KCNQ1OT1: variants seen among roughly 807,000 people sequenced by gnomAD.
The protein encoded by KCNQ1OT1 is KCNQ1 opposite strand/antisense transcript 1.
Position 2,670,003 on chromosome 11 carries a change from G to A in KCNQ1OT1, n.29992C>T. On this transcript the variant is annotated non_coding_transcript_exon_variant, in exon 1 of 1. Transcript: ENST00000597346. This position sits in a 1 kb window ranked among gnomAD's most constrained non-coding sequence, Gnocchi z 4.9. ...ACCTCAAATCTCGGAATGGGGTTCAGGAGCTGTTGGGGTCCCGTGGAGGTA... is the reference window on the plus strand; with the variant it reads ...ACCTCAAATCTCGGAATGGGGTTCAAGAGCTGTTGGGGTCCCGTGGAGGTA... 1 of 398,736 alleles carries A rather than the reference G, an allele frequency of 2.5e-6. No individual in the cohort carries two copies. The allele number at this position is 398,736 out of a possible 1,614,324, so 24.7% of individuals were successfully genotyped here.
At chr11:2,648,523 A>G (rs531530600) in exon 1 of KCNQ1OT1, 6 of 398,468 alleles carry the variant, frequency 1.5e-5, no homozygotes, top group African/African-American at 1.0e-4. Flanking sequence ...CAATTTCTTC[A>G]TAGACACAGT....
Position 2,664,310 on chromosome 11 carries a change from C to A in KCNQ1OT1, n.35685G>T. The A allele has an allele frequency of 2.5e-6, 1 of 399,044 alleles. No homozygotes were observed. Among genetic ancestry groups the A allele is most frequent in the South Asian group, 1.3e-4 (1 of 7,832 alleles). 24.7% of individuals were successfully genotyped at this position (399,044 alleles called of 1,614,324 possible). A position where few individuals can be genotyped will look rare whatever the true frequency, so the allele number is the denominator to read the frequency against. On this transcript the variant is annotated non_coding_transcript_exon_variant, in exon 1 of 1. Coordinates refer to ENST00000597346, the Ensembl canonical transcript of KCNQ1OT1. This position sits in a 1 kb window ranked among gnomAD's most constrained non-coding sequence, Gnocchi z 5.1. ...CCACCTTGAGGCATTGTGTTCTGGT[C>A]AGGGAAGACTCAGGGCTGAGGCTTC...
At chr11:2,641,658 A>G (rs1292741635) in exon 1 of KCNQ1OT1, 2 of 397,942 alleles carry the variant, frequency 5.0e-6, no homozygotes, top group Admixed American at 4.4e-5. Flanking sequence ...CCATTTGTCT[A>G]TTTTTGTTTT....
chr11:2,626,801 T>C lies in KCNQ1OT1; in HGVS notation n.73194A>G. ...CCTCAGCCTTCAAAAGTGCTGAGATTACAGGTGTAGGCCATTGTACCTGGC... is the reference window on the plus strand; with the variant it reads ...CCTCAGCCTTCAAAAGTGCTGAGATCACAGGTGTAGGCCATTGTACCTGGC... On this transcript the variant is annotated non_coding_transcript_exon_variant, in exon 1 of 1. Coordinates refer to ENST00000597346, the Ensembl canonical transcript of KCNQ1OT1. This position sits in a 1 kb window ranked among gnomAD's most constrained non-coding sequence, Gnocchi z 4.0. 2.5e-6 allele frequency: 1 copy of C among 398,652 alleles called. No individual in the cohort carries two copies. Among genetic ancestry groups the C allele is most frequent in the East Asian group, 3.6e-5 (1 of 28,084 alleles). 24.7% of individuals were successfully genotyped at this position (398,652 alleles called of 1,614,324 possible). A position where few individuals can be genotyped will look rare whatever the true frequency, so the allele number is the denominator to read the frequency against.
chr11:2,669,833 T>C lies in KCNQ1OT1; in HGVS notation n.30162A>G. 1 of 398,648 alleles carries C rather than the reference T, an allele frequency of 2.5e-6. No homozygotes were observed. The highest frequency in any genetic ancestry group is 4.4e-6 in the Non-Finnish European group (1 of 226,094). The allele number at this position is 398,648 out of a possible 1,614,324, so 24.7% of individuals were successfully genotyped here. A position where few individuals can be genotyped will look rare whatever the true frequency, so the allele number is the denominator to read the frequency against. On this transcript the variant is annotated non_coding_transcript_exon_variant, in exon 1 of 1. Transcript: ENST00000597346. The surrounding 1 kb of genome is among the most constrained non-coding windows in gnomAD (Gnocchi z 5.6). ...CTTTTGAGACTGCCAGGTCATGAGTTACCATGGGATACAAATGGGGTCACA... is the reference window on the plus strand; with the variant it reads ...CTTTTGAGACTGCCAGGTCATGAGTCACCATGGGATACAAATGGGGTCACA...
chr11:2,667,206 GC>G lies in KCNQ1OT1; in HGVS notation n.32788del, dbSNP rs1214375461. 1.4e-4 allele frequency: 54 copies of G among 398,706 alleles called. No individual in the cohort carries two copies. Among genetic ancestry groups the G allele is most frequent in the South Asian group, 6.4e-4 (5 of 7,858 alleles). 24.7% of individuals were successfully genotyped at this position (398,706 alleles called of 1,614,324 possible). The stretch of plus-strand genomic sequence containing the variant: ...AGCCCAGCTGTGGCGGCCCCCCGTG[GC>G]CCCCTAACCTTTCCAAACTTCACTT... On this transcript the variant is annotated non_coding_transcript_exon_variant, in exon 1 of 1. Coordinates refer to ENST00000597346, the Ensembl canonical transcript of KCNQ1OT1.
At chr11:2,629,453 A>G in exon 1 of KCNQ1OT1, 1 of 398,442 alleles carries the variant, frequency 2.5e-6, no homozygotes, top group Non-Finnish European at 4.4e-6. Flanking sequence ...TAAGAGTTTT[A>G]TAGTTTTAGG....
exon 1 of KCNQ1OT1, chr11:2,644,465 T>A (rs1849635817): frequency 2.5e-6 from 1 of 398,346 alleles, no homozygotes; most frequent in South Asian, 1.3e-4. Context: ...AATTTCTCAT[T>A]CATACCCCGA....
In KCNQ1OT1 at chr11:2,617,031, A is replaced by T. The variant is rs12282307; in HGVS notation, n.82964T>A. 4,908 of 398,206 alleles carry T rather than the reference A, an allele frequency of 0.012. 126 individuals are homozygous for T. Among genetic ancestry groups the T allele is most frequent in the African/African-American group, 0.055 (2,701 of 48,684 alleles). 24.7% of individuals were successfully genotyped at this position (398,206 alleles called of 1,614,324 possible). A position where few individuals can be genotyped will look rare whatever the true frequency, so the allele number is the denominator to read the frequency against. On this transcript the variant is annotated non_coding_transcript_exon_variant, in exon 1 of 1. Transcript: ENST00000597346. The surrounding 1 kb of genome is among the most constrained non-coding windows in gnomAD (Gnocchi z 4.6). ...AAACATACAGTTAAATCGTTAACAT[A>T]GTGATGCAAATTAATATGTCCATCA...
At chr11:2,665,174 C>T (rs1235349035) in exon 1 of KCNQ1OT1, 1 of 398,646 alleles carries the variant, frequency 2.5e-6, no homozygotes, top group African/African-American at 2.1e-5. Flanking sequence ...TCTGGGCGGC[C>T]AGGACTCAGC....
chr11:2,626,106 C>A lies in KCNQ1OT1; in HGVS notation n.73889G>T, dbSNP rs977494119. 12 of 398,298 alleles carry A rather than the reference C, an allele frequency of 3.0e-5. No homozygotes were observed. In the South Asian group the frequency reaches 6.4e-4, roughly 21 times the overall value. 24.7% of individuals were successfully genotyped at this position (398,298 alleles called of 1,614,324 possible). A position where few individuals can be genotyped will look rare whatever the true frequency, so the allele number is the denominator to read the frequency against. ...AATTTATCTATTTTTACTTTTATTG[C>A]CTGTGCCTTTGGTGTCGCATACAAG... On this transcript the variant is annotated non_coding_transcript_exon_variant, in exon 1 of 1. Transcript: ENST00000597346. The surrounding 1 kb of genome is among the most constrained non-coding windows in gnomAD (Gnocchi z 4.0).
At chr11:2,634,760 C>T (rs1028405846) in exon 1 of KCNQ1OT1, 2 of 152,224 alleles carry the variant, frequency 1.3e-5, no homozygotes, top group Non-Finnish European at 2.9e-5. Context: ...ACCACACTGT[C>T]TTCTACAATG....
chr11:2,699,884 G>A (rs557431156), exon 1 of KCNQ1OT1: 3 of 398,482 alleles, frequency 7.5e-6, no homozygotes, highest in East Asian at 7.1e-5. Context: ...GAGCCCCGGG[G>A]AGGACCACGC....
chr11:2,621,326 T>G lies in KCNQ1OT1; in HGVS notation n.78669A>C. On this transcript the variant is annotated non_coding_transcript_exon_variant, in exon 1 of 1. Coordinates refer to ENST00000597346, the Ensembl canonical transcript of KCNQ1OT1. This position sits in a 1 kb window ranked among gnomAD's most constrained non-coding sequence, Gnocchi z 5.7. ...TAGTGATCATGAGAATGTTTTTTTGTTTGGCTACTTCTGTATTTTCTTTTA... is the reference window on the plus strand; with the variant it reads ...TAGTGATCATGAGAATGTTTTTTTGGTTGGCTACTTCTGTATTTTCTTTTA... The G allele has an allele frequency of 5.0e-6, 2 of 398,590 alleles. No individual in the cohort carries two copies. Among genetic ancestry groups the G allele is most frequent in the Non-Finnish European group, 8.8e-6 (2 of 226,032 alleles). The allele number at this position is 398,590 out of a possible 1,614,324, so 24.7% of individuals were successfully genotyped here. A position where few individuals can be genotyped will look rare whatever the true frequency, so the allele number is the denominator to read the frequency against.
rs922822012 is a variant in KCNQ1OT1 at position 2,673,186 on chromosome 11, A to G, written n.26809T>C. The G allele has an allele frequency of 2.5e-6, 1 of 398,610 alleles. No homozygotes were observed. The highest frequency in any genetic ancestry group is 2.1e-5 in the African/African-American group (1 of 48,642). 24.7% of individuals were successfully genotyped at this position (398,610 alleles called of 1,614,324 possible). ...AGGATCAGAATGGGCCCTGGAGCCA[A>G]GGCCAAAAGCCGAACTGTGACTAGG... On this transcript the variant is annotated non_coding_transcript_exon_variant, in exon 1 of 1. Coordinates refer to ENST00000597346, the Ensembl canonical transcript of KCNQ1OT1. This position sits in a 1 kb window ranked among gnomAD's most constrained non-coding sequence, Gnocchi z 4.5.
At position 2,654,827 on chromosome 11, in the gene KCNQ1OT1, C is replaced by CCTA. The variant is rs1392742968; in HGVS notation, n.45167_45168insTAG. On this transcript the variant is annotated non_coding_transcript_exon_variant, in exon 1 of 1. Coordinates refer to ENST00000597346, the Ensembl canonical transcript of KCNQ1OT1. The surrounding 1 kb of genome is among the most constrained non-coding windows in gnomAD (Gnocchi z 6.4). ...CTCAAAGACTTTCATGATAGGAGAG[C>CCTA]TCTATGTAGCCTCATGGGCAGCTCC... 2.5e-6 allele frequency: 1 copy of CCTA among 398,444 alleles called. No homozygotes were observed. The highest frequency in any genetic ancestry group is 2.1e-5 in the African/African-American group (1 of 48,572). The allele number at this position is 398,444 out of a possible 1,614,324, so 24.7% of individuals were successfully genotyped here.
chr11:2,691,730 C>G lies in KCNQ1OT1; in HGVS notation n.8265G>C, dbSNP rs1050919606. The G allele has an allele frequency of 1.0e-5, 4 of 398,570 alleles. No individual in the cohort carries two copies. Among genetic ancestry groups the G allele is most frequent in the Non-Finnish European group, 1.8e-5 (4 of 226,102 alleles). The allele number at this position is 398,570 out of a possible 1,614,324, so 24.7% of individuals were successfully genotyped here. A position where few individuals can be genotyped will look rare whatever the true frequency, so the allele number is the denominator to read the frequency against. ...AGGGGAGAGGCAGCCCACAGGGAGC[C>G]ACACAGGCAGGGGACATTCCACTAG... On this transcript the variant is annotated non_coding_transcript_exon_variant, in exon 1 of 1. Coordinates refer to ENST00000597346, the Ensembl canonical transcript of KCNQ1OT1. This position sits in a 1 kb window ranked among gnomAD's most constrained non-coding sequence, Gnocchi z 6.4.
Position 2,620,553 on chromosome 11 carries a change from G to C in KCNQ1OT1, n.79442C>G, listed in dbSNP as rs1849153261. The C allele has an allele frequency of 7.6e-6, 3 of 396,220 alleles. No individual in the cohort carries two copies. Among genetic ancestry groups the C allele is most frequent in the South Asian group, 1.4e-4 (1 of 7,002 alleles). 24.5% of individuals were successfully genotyped at this position (396,220 alleles called of 1,614,324 possible). A position where few individuals can be genotyped will look rare whatever the true frequency, so the allele number is the denominator to read the frequency against. On this transcript the variant is annotated non_coding_transcript_exon_variant, in exon 1 of 1. Transcript: ENST00000597346. The surrounding 1 kb of genome is among the most constrained non-coding windows in gnomAD (Gnocchi z 4.5). ...TTTTATGGCTGCATAGTATTCCATG[G>C]TGTACATGTACCACATTTTCTTTAT...
At chr11:2,675,429 C>T (rs1192951270) in exon 1 of KCNQ1OT1, 3 of 398,242 alleles carry the variant, frequency 7.5e-6, no homozygotes, top group Non-Finnish European at 8.8e-6. Flanking sequence ...TGTCATTTTG[C>T]GTTAAAATAA....
Sources: gnomAD v4.1 joint callset for allele counts on GRCh38, gnomAD v4.1.1 for gene constraint, Gnocchi (gnomAD v3.1) non-coding constraint, MANE v1.5 for transcripts, NCBI Gene and HGNC (gene_info 2026-07-23, HGNC 2026-07-21) for gene names.